Variants in ZKSCAN5 observed in about 807,000 individuals in gnomAD.
The protein encoded by ZKSCAN5 is zinc finger protein with KRAB and SCAN domains 5.
A neutral mutation model predicts 60.0 loss-of-function variants in ZKSCAN5; 28 were observed. That is an observed-to-expected ratio of 0.47 (90% CI 0.35 to 0.64). The LOEUF is 0.64. ZKSCAN5 is among the 30% of genes least tolerant of loss of function. ZKSCAN5 has a pLI of 0.01. For missense variants in ZKSCAN5, 881 were observed against 1,034.6 expected (o/e 0.85, Z 2.04); for synonymous variants, 361 against 371.2 (o/e 0.97, Z 0.31).
At chr7:99,522,436 A>G (rs1801576925) in intron 5 of ZKSCAN5, among the ~76,000 whole-genome samples, 1 of 151,996 alleles carries the variant, frequency 6.6e-6, no homozygotes, top group Non-Finnish European at 1.5e-5. Flanking sequence ...CTGGTCACTG[A>G]AAGAGTAATG....
Position 99,506,351 on chromosome 7 carries a change from C to T in ZKSCAN5, c.307C>T (p.Pro103Ser). Residue 103 changes from proline to serine, a missense_variant, in exon 2 of 7, where the codon CCT becomes TCT. Coordinates refer to ENST00000326775, the MANE Select transcript of ZKSCAN5 (RefSeq NM_145102.4). ...GCTGGAGCAGTTCCTGACCATCCTG[C>T]CTGAAGAGTTCCAGCCCTGGGTGAG... The part of the protein sequence containing the change: ...LVLEQFLTIL[P>S]EEFQPWVREH... 6.2e-7 allele frequency: 1 copy of T among 1,614,176 alleles called. No individual in the cohort carries two copies. Among genetic ancestry groups the T allele is most frequent in the Non-Finnish European group, 8.5e-7 (1 of 1,180,034 alleles).
chr7:99,520,559 C>T (rs538065326), intron 5 of ZKSCAN5, among the ~76,000 whole-genome samples: 1 of 151,970 alleles, frequency 6.6e-6, no homozygotes, highest in Non-Finnish European at 1.5e-5. Flanking sequence ...CCAGCAGATG[C>T]TAACTTTTTA....
intron 2 of ZKSCAN5, among the ~76,000 whole-genome samples, chr7:99,508,482 G>T (rs1421158711): frequency 1.3e-5 from 2 of 152,000 alleles, no homozygotes; most frequent in East Asian, 3.9e-4. Context: ...GGCCGGGCAT[G>T]GTGACTCACG....
In ZKSCAN5 at chr7:99,506,020, C is replaced by T. The variant is rs1800705747; in HGVS notation, c.-25C>T. The T allele has an allele frequency of 6.2e-7, 1 of 1,605,070 alleles. No homozygotes were observed. Among genetic ancestry groups the T allele is most frequent in the Middle Eastern group, 1.7e-4 (1 of 6,018 alleles). On this transcript the variant is annotated 5_prime_UTR_variant, in exon 2 of 7. Coordinates refer to ENST00000326775, the MANE Select transcript of ZKSCAN5 (RefSeq NM_145102.4). The stretch of plus-strand genomic sequence containing the variant: ...ATTGTTTCAGTGTAACACAGCCAGC[C>T]TCGAAGACTTCCCTCTGAGTTGGAA...
chr7:99,524,608 C>A (rs1268227752), intron 5 of ZKSCAN5, among the ~76,000 whole-genome samples: 1 of 152,168 alleles, frequency 6.6e-6, no homozygotes, highest in Admixed American at 6.5e-5. Flanking sequence ...TACAGTTGAA[C>A]AAAGGAACTA....
In ZKSCAN5 at chr7:99,526,234, G is replaced by A; in HGVS notation, c.1194G>A (p.Gly398=). The change falls in exon 6 of 7, where the codon GGG becomes GGA. Residue 398 remains glycine, a synonymous_variant. Transcript: ENST00000326775. ...HLTQHQRVHT[G]EKPYKCQVCG... ...CCCAGCACCAGCGCGTCCACACAGG[G>A]GAGAAACCCTACAAATGTCAGGTGT... 6.2e-7 allele frequency: 1 copy of A among 1,614,164 alleles called. No homozygotes were observed. Among genetic ancestry groups the A allele is most frequent in the Non-Finnish European group, 8.5e-7 (1 of 1,180,036 alleles).
intron 2 of ZKSCAN5, among the ~76,000 whole-genome samples, chr7:99,508,139 AAAT>A (rs1263423001): frequency 2.0e-5 from 3 of 150,562 alleles, no homozygotes; most frequent in African/African-American, 7.3e-5. Flanking sequence ...CTCTACTAAA[AAAT>A]ACAAAAATTA....
In ZKSCAN5 at chr7:99,533,201, T is replaced by C. The variant is rs561165503; in HGVS notation, c.*952T>C. ...AGACCTCTCCTGTAGAGTGGTGATATACAGAATGAGTTTCAGTTTGCATTG... is the reference window on the plus strand; with the variant it reads ...AGACCTCTCCTGTAGAGTGGTGATACACAGAATGAGTTTCAGTTTGCATTG... On this transcript the variant is annotated 3_prime_UTR_variant, in exon 7 of 7. Coordinates refer to ENST00000326775, the MANE Select transcript of ZKSCAN5 (RefSeq NM_145102.4). 6.2e-6 allele frequency: 4 copies of C among 642,664 alleles called. No homozygotes were observed. Among genetic ancestry groups the C allele is most frequent in the South Asian group, 1.5e-5 (1 of 66,046 alleles). The allele number at this position is 642,664 out of a possible 1,614,324, so 39.8% of individuals were successfully genotyped here.
intron 5 of ZKSCAN5, among the ~76,000 whole-genome samples, chr7:99,523,016 T>C (rs1801610225): frequency 6.7e-6 from 1 of 149,512 alleles, no homozygotes; most frequent in Admixed American, 6.7e-5. Context: ...AATACAAAAA[T>C]TATCCGGGCA....
intron 5 of ZKSCAN5, among the ~76,000 whole-genome samples, chr7:99,523,730 A>G (rs920278786): frequency 3.3e-5 from 5 of 152,100 alleles, no homozygotes; most frequent in Admixed American, 2.6e-4. Flanking sequence ...AAAAACATAA[A>G]AAGTCTGGTT....
intron 5 of ZKSCAN5, among the ~76,000 whole-genome samples, chr7:99,522,121 T>C (rs962656035): frequency 1.3e-5 from 2 of 152,226 alleles, no homozygotes; most frequent in Non-Finnish European, 2.9e-5. Flanking sequence ...TCTACATTAA[T>C]TACATGGCCA....
At chr7:99,526,535 A>G in intron 6 of ZKSCAN5, 117 bp downstream of exon 6, 1 of 1,458,438 alleles carries the variant, frequency 6.9e-7, no homozygotes, top group Non-Finnish European at 9.1e-7. Flanking sequence ...AGGAAGAGGC[A>G]AAGGTTATCG....
chr7:99,533,655 T>C lies in ZKSCAN5; in HGVS notation c.*1406T>C. 1 of 402,298 alleles carries C rather than the reference T, an allele frequency of 2.5e-6. No individual in the cohort carries two copies. Among genetic ancestry groups the C allele is most frequent in the Non-Finnish European group, 4.4e-6 (1 of 228,298 alleles). 24.9% of individuals were successfully genotyped at this position (402,298 alleles called of 1,614,324 possible). A position where few individuals can be genotyped will look rare whatever the true frequency, so the allele number is the denominator to read the frequency against. On this transcript the variant is annotated 3_prime_UTR_variant, in exon 7 of 7. Coordinates refer to ENST00000326775, the MANE Select transcript of ZKSCAN5 (RefSeq NM_145102.4). ...TCTACACCCCAACACCTGGTTCATTTGATTAAAGCGGAGAAAACTCCAGGG... is the reference window on the plus strand; with the variant it reads ...TCTACACCCCAACACCTGGTTCATTCGATTAAAGCGGAGAAAACTCCAGGG...
intron 6 of ZKSCAN5, among the ~76,000 whole-genome samples, chr7:99,527,492 C>T (rs1801843993): frequency 6.6e-6 from 1 of 151,836 alleles, no homozygotes; most frequent in South Asian, 2.1e-4. Context: ...AAGTCTGTTT[C>T]ACGTAGTCGT....
In ZKSCAN5 at chr7:99,526,329, A is replaced by T. The variant is rs527980185; in HGVS notation, c.1289A>T (p.Tyr430Phe). The T allele has an allele frequency of 1.0e-4, 162 of 1,609,728 alleles. 4 individuals carry two copies. The South Asian group carries it at 1.7e-3, about 17-fold the overall frequency. ...HHSVHSGERP[Y>F]GCNECGKNFG... ...AGTGTCCACAGCGGAGAGAGGCCCT[A>T]TGGCTGCAATGAGTGTGGGAAGAAC... Residue 430 changes from tyrosine (Y) to phenylalanine (F), a missense_variant, in exon 6 of 7, where the codon TAT becomes TTT. Tyr to Phe is a conservative substitution (Grantham distance 22, BLOSUM62 3). Transcript: ENST00000326775.
chr7:99,523,163 C>CAAAAA (rs35854468), intron 5 of ZKSCAN5, among the ~76,000 whole-genome samples: 5 of 48,952 alleles, frequency 1.0e-4, no homozygotes, highest in Non-Finnish European at 1.1e-4. Flanking sequence ...GACCCTATCT[C>CAAAAA]AAAAAAAAAA....
intron 6 of ZKSCAN5, among the ~76,000 whole-genome samples, chr7:99,530,827 C>T (rs746616502): frequency 1.3e-4 from 20 of 152,104 alleles, no homozygotes; most frequent in Non-Finnish European, 1.9e-4. Flanking sequence ...GAGGCTGAGG[C>T]GGGTGGATCA....
intron 3 of ZKSCAN5, among the ~76,000 whole-genome samples, chr7:99,515,860 TA>T (rs886299700): frequency 1.3e-4 from 20 of 151,596 alleles, no homozygotes; most frequent in African/African-American, 4.8e-4. Context: ...AGAAAGAAAT[TA>T]AGCTGAGTCC....
chr7:99,514,429 A>G (rs983181261), intron 3 of ZKSCAN5, among the ~76,000 whole-genome samples: 2 of 152,196 alleles, frequency 1.3e-5, no homozygotes, highest in Non-Finnish European at 2.9e-5. Flanking sequence ...CAAATGAAAA[A>G]TTTGGAATTC....
Sources: gnomAD v4.1 joint callset for allele counts (sites outside exome capture counted in the v4.1 genomes callset) on GRCh38, gnomAD v4.1.1 for gene constraint, MANE v1.5 for transcripts, NCBI Gene and HGNC (gene_info 2026-07-23, HGNC 2026-07-21) for gene names.